The following PCDH9 variants were observed in gnomAD, a reference collection of about 807,000 sequenced individuals.
PCDH9 encodes protocadherin 9.
A neutral mutation model predicts 70.6 loss-of-function variants in PCDH9; 24 were observed. The ratio of observed to expected loss-of-function variants is 0.34; its 90% CI spans 0.25 to 0.48. The LOEUF (loss-of-function observed/expected upper bound fraction) is 0.48, where lower values mean the gene tolerates loss of function less well. Among genes scored for constraint, PCDH9 ranks in the 20% least tolerant of loss-of-function variants. PCDH9 has a pLI of 0.99. For synonymous variants in PCDH9, 562 were observed against 558.5 expected, an observed-to-expected ratio of 1.01 and a Z score of -0.09; for missense variants, 1,281 against 1,503.6, an observed-to-expected ratio of 0.85 and a Z score of 2.45.
intron 2 of PCDH9, among the ~76,000 whole-genome samples, chr13:67,003,791 C>A (rs2139825532): frequency 6.6e-6 from 1 of 152,294 alleles, no homozygotes; most frequent in East Asian, 1.9e-4. Context: ...TAACGCTTTA[C>A]AGGAACGCTT....
intron 3 of PCDH9, among the ~76,000 whole-genome samples, chr13:66,823,902 G>A (rs2080762015): frequency 6.6e-6 from 1 of 151,926 alleles, no homozygotes; most frequent in Admixed American, 6.6e-5. Flanking sequence ...TTTCTATGTA[G>A]TTGTCACATC....
At chr13:67,019,442 G>A (rs907586034) in intron 2 of PCDH9, among the ~76,000 whole-genome samples, 8 of 151,724 alleles carry the variant, frequency 5.3e-5, no homozygotes, top group East Asian at 1.9e-4. Flanking sequence ...TGATCCTCCC[G>A]CCTCAGCCTC....
At chr13:66,928,002 C>T (rs2082743616) in intron 2 of PCDH9, among the ~76,000 whole-genome samples, 1 of 151,994 alleles carries the variant, frequency 6.6e-6, no homozygotes, top group African/African-American at 2.4e-5. Flanking sequence ...ACTCATATCC[C>T]TCTCTCTGCA....
At chr13:66,866,618 G>A (rs1026737918) in intron 3 of PCDH9, among the ~76,000 whole-genome samples, 4 of 151,788 alleles carry the variant, frequency 2.6e-5, no homozygotes, top group Non-Finnish European at 5.9e-5. Context: ...CCACTATGGC[G>A]AAACCCCATC....
chr13:66,884,345 T>C (rs1195968319), intron 3 of PCDH9, among the ~76,000 whole-genome samples: 1 of 152,060 alleles, frequency 6.6e-6, no homozygotes, highest in Non-Finnish European at 1.5e-5. Context: ...GCATCTGCAA[T>C]ATAGTAATTA....
intron 4 of PCDH9, among the ~76,000 whole-genome samples, chr13:66,529,302 C>T (rs895257714): frequency 1.3e-5 from 2 of 152,054 alleles, no homozygotes; most frequent in East Asian, 3.9e-4. Flanking sequence ...ACTGATTCCC[C>T]ACTTAGGGGA....
intron 3 of PCDH9, among the ~76,000 whole-genome samples, chr13:66,663,054 A>G (rs1042473824): frequency 6.6e-6 from 1 of 152,210 alleles, no homozygotes; most frequent in Non-Finnish European, 1.5e-5. Flanking sequence ...ATAAGGAAAA[A>G]CAGTCTCTAT....
chr13:66,755,893 G>A (rs1239785787), intron 3 of PCDH9, among the ~76,000 whole-genome samples: 1 of 152,140 alleles, frequency 6.6e-6, no homozygotes, highest in African/African-American at 2.4e-5. Flanking sequence ...GGGTCCAGAT[G>A]GCGATAGATC....
intron 4 of PCDH9, among the ~76,000 whole-genome samples, chr13:66,561,259 G>A (rs1962014745): frequency 6.6e-6 from 1 of 152,212 alleles, no homozygotes; most frequent in Admixed American, 6.5e-5. Flanking sequence ...CCTTCCCACA[G>A]GGCAGGGCTC....
At chr13:66,908,034 T>C (rs187757483) in intron 2 of PCDH9, among the ~76,000 whole-genome samples, 10 of 152,218 alleles carry the variant, frequency 6.6e-5, no homozygotes, top group African/African-American at 2.2e-4. Flanking sequence ...ATTTGTTTAA[T>C]AATTCCAAAG....
intron 4 of PCDH9, among the ~76,000 whole-genome samples, chr13:66,338,429 G>C (rs936167339): frequency 6.6e-6 from 1 of 152,006 alleles, no homozygotes; most frequent in Non-Finnish European, 1.5e-5. Context: ...ATGATGGCAA[G>C]AAATGATAGA....
chr13:66,669,512 G>A (rs1260203067), intron 3 of PCDH9, among the ~76,000 whole-genome samples: 2 of 152,176 alleles, frequency 1.3e-5, no homozygotes, highest in African/African-American at 4.8e-5. Context: ...TTGAAGATGT[G>A]TGAATTGTGC....
At chr13:66,746,048 C>T (rs1360664641) in intron 3 of PCDH9, among the ~76,000 whole-genome samples, 2 of 152,164 alleles carry the variant, frequency 1.3e-5, no homozygotes, top group African/African-American at 4.8e-5. Context: ...CACTTCCCCC[C>T]ATAGACATAT....
intron 3 of PCDH9, among the ~76,000 whole-genome samples, chr13:66,701,047 C>T (rs1380680407): frequency 6.8e-6 from 1 of 146,094 alleles, no homozygotes; most frequent in Non-Finnish European, 1.5e-5. Context: ...TAACAGAATT[C>T]TGTTTTTAAG....
chr13:66,935,767 C>T (rs746275496), intron 2 of PCDH9, among the ~76,000 whole-genome samples: 1 of 151,968 alleles, frequency 6.6e-6, no homozygotes, highest in Non-Finnish European at 1.5e-5. Flanking sequence ...CAGAACAACC[C>T]TTTTCAATAT....
chr13:66,912,768 A>G (rs2082490232), intron 2 of PCDH9, among the ~76,000 whole-genome samples: 1 of 152,074 alleles, frequency 6.6e-6, no homozygotes, highest in African/African-American at 2.4e-5. Context: ...AAGTTAATCT[A>G]TGTAATACTT....
At chr13:66,408,103 C>T (rs867294956) in intron 4 of PCDH9, among the ~76,000 whole-genome samples, 7 of 143,086 alleles carry the variant, frequency 4.9e-5, no homozygotes, top group African/African-American at 1.5e-4. Flanking sequence ...CCAGGCCGGA[C>T]TGCGGACTGC....
intron 4 of PCDH9, among the ~76,000 whole-genome samples, chr13:66,488,939 G>T (rs557479385): frequency 2.0e-5 from 3 of 151,972 alleles, no homozygotes; most frequent in Admixed American, 2.0e-4. Context: ...TCCCACAGGC[G>T]AGTACACCAA....
chr13:66,633,021 T>C (rs1225250721), intron 3 of PCDH9, among the ~76,000 whole-genome samples: 1 of 152,152 alleles, frequency 6.6e-6, no homozygotes, highest in African/African-American at 2.4e-5. Flanking sequence ...ACTGAAACTG[T>C]ATGAATGCAT....
Sources: allele counts gnomAD v4.1 joint callset (sites outside exome capture counted in the v4.1 genomes callset), GRCh38; gene constraint gnomAD v4.1.1; transcripts MANE v1.5; gene names NCBI Gene and HGNC (gene_info 2026-07-23, HGNC 2026-07-21).